The following FAM3B variants were observed in gnomAD, a reference collection of about 807,000 sequenced individuals.
FAM3B encodes FAM3 metabolism regulating signaling molecule B, also known as protein FAM3B.
In FAM3B, 29 loss-of-function variants were observed where a neutral mutation model predicts 28.4. The observed-to-expected ratio is 1.02, with a 90% CI of 0.76 to 1.39. FAM3B has a LOEUF of 1.39. Ranked by LOEUF, FAM3B falls within the 40% of genes most tolerant of loss-of-function variation. The pLI, the probability that FAM3B is intolerant of heterozygous loss-of-function variation, is 0.00. For missense variants in FAM3B, 266 were observed against 293.9 expected (o/e 0.91, Z 0.69); for synonymous variants, 91 against 103.0 (o/e 0.88, Z 0.71).
At chr21:41,313,928 T>C (rs77852024), upstream of FAM3B, among the ~76,000 whole-genome samples, 270 of 152,362 alleles carry the variant, frequency 1.8e-3, 3 homozygotes, top group African/African-American at 6.1e-3. Flanking sequence ...ATGTGGATAC[T>C]GTGGACAGAG....
At chr21:41,327,764 A>G (rs547227289) in intron 2 of FAM3B, among the ~76,000 whole-genome samples, 1 of 152,274 alleles carries the variant, frequency 6.6e-6, no homozygotes, top group Admixed American at 6.5e-5. Context: ...TACCTTTTCT[A>G]TCTTCCCTTG....
At chr21:41,304,707 T>G (rs2088673236) in intron 1 of FAM3B, among the ~76,000 whole-genome samples, 2 of 152,144 alleles carry the variant, frequency 1.3e-5, no homozygotes, top group Non-Finnish European at 2.9e-5. Flanking sequence ...AGCAGAGGAT[T>G]CCAGAACCTA....
At chr21:41,327,711 G>T (rs1414413580) in intron 2 of FAM3B, among the ~76,000 whole-genome samples, 1 of 152,204 alleles carries the variant, frequency 6.6e-6, no homozygotes, top group African/African-American at 2.4e-5. Flanking sequence ...CAGACCATTT[G>T]CTCACTTGTA....
rs563087880 is a variant in FAM3B at position 41,347,472 on chromosome 21, G to C, written c.485+372G>C. 2.0e-5 allele frequency among the ~76,000 whole-genome samples: 3 copies of C among 152,234 alleles called. No homozygotes were observed. The South Asian group carries it at 6.2e-4, about 32-fold the overall frequency. On this transcript the variant is annotated intron_variant, in intron 6 of 7. Coordinates refer to ENST00000357985, the MANE Select transcript of FAM3B (RefSeq NM_058186.4). ...TAATTTCCCTATAGAAAGAGGAAAA[G>C]AGGCTGGGCGCAGTGGCTCACACCT...
chr21:41,328,246 C>A (rs2088871498), intron 2 of FAM3B, among the ~76,000 whole-genome samples: 1 of 152,124 alleles, frequency 6.6e-6, no homozygotes, highest in African/African-American at 2.4e-5. Context: ...AATTGAGTAC[C>A]CATACACAGG....
At chr21:41,349,358 G>A (rs1396424939) in intron 7 of FAM3B, among the ~76,000 whole-genome samples, 1 of 152,170 alleles carries the variant, frequency 6.6e-6, no homozygotes, top group Non-Finnish European at 1.5e-5. Flanking sequence ...ATTTCAGAGG[G>A]TTCTGCTCTC....
upstream of FAM3B, among the ~76,000 whole-genome samples, chr21:41,314,173 ACTT>A (rs558110348): frequency 3.2e-3 from 491 of 152,334 alleles, 5 homozygotes; most frequent in African/African-American, 0.011. Context: ...CAGAGCCCTC[ACTT>A]CTTCTCTCTG....
intron 6 of FAM3B, among the ~76,000 whole-genome samples, chr21:41,347,409 G>T (rs1447687939): frequency 6.6e-6 from 1 of 152,116 alleles, no homozygotes; most frequent in Admixed American, 6.6e-5. Flanking sequence ...AACCCAGGGT[G>T]GCATTAATAG....
intron 1 of FAM3B, among the ~76,000 whole-genome samples, chr21:41,308,490 A>G (rs1399565082): frequency 6.6e-6 from 1 of 151,106 alleles, no homozygotes; most frequent in African/African-American, 2.4e-5. Flanking sequence ...AAAGGCAACG[A>G]GTTTGGGTGC....
chr21:41,324,271 A>G (rs890363823), intron 2 of FAM3B, among the ~76,000 whole-genome samples: 1 of 152,224 alleles, frequency 6.6e-6, no homozygotes, highest in Non-Finnish European at 1.5e-5. Context: ...CAAAATCAAG[A>G]GATCTCCCAT....
chr21:41,352,653 G>T (rs909679329), intron 7 of FAM3B, among the ~76,000 whole-genome samples: 1 of 152,044 alleles, frequency 6.6e-6, no homozygotes, highest in Non-Finnish European at 1.5e-5. Context: ...AATTAGCCAG[G>T]CATGGTGGCG....
chr21:41,346,069 A>G (rs892108074), intron 5 of FAM3B: 18 of 231,796 alleles, frequency 7.8e-5, no homozygotes, highest in Admixed American at 6.3e-4. Context: ...TAAAGCCACC[A>G]GCATCCAGCC....
chr21:41,354,182 G>A lies in FAM3B; in HGVS notation c.619-2926G>A, dbSNP rs188890311. ...AGAGAAAAAGGAATGCTTTTACACT[G>A]CTGGTGGAAGTGTAAATTAGTTCAA... is the stretch of plus-strand genomic sequence containing the variant. On this transcript the variant is annotated intron_variant, in intron 7 of 7. Transcript: ENST00000357985. Among the ~76,000 whole-genome samples the A allele has an allele frequency of 5.0e-3, 759 of 152,208 alleles. 5 individuals carry two copies. The highest frequency in any genetic ancestry group is 0.016 in the African/African-American group (656 of 41,456).
intron 3 of FAM3B, among the ~76,000 whole-genome samples, chr21:41,338,828 G>A (rs2088979067): frequency 6.6e-6 from 1 of 152,214 alleles, no homozygotes; most frequent in Non-Finnish European, 1.5e-5. Flanking sequence ...TGGGATCTGA[G>A]TAGGGATCAG....
At chr21:41,305,442 A>G (rs2088678429) in intron 1 of FAM3B, among the ~76,000 whole-genome samples, 1 of 152,174 alleles carries the variant, frequency 6.6e-6, no homozygotes, top group African/African-American at 2.4e-5. Context: ...TCATATACAT[A>G]TACTGCTATG....
chr21:41,318,565 G>A (rs890226206), intron 1 of FAM3B, among the ~76,000 whole-genome samples: 1 of 152,246 alleles, frequency 6.6e-6, no homozygotes, highest in Non-Finnish European at 1.5e-5. Context: ...ACTGAGGCCA[G>A]CAGAGCCTGG....
At chr21:41,351,476 GT>G (rs1398690505) in intron 7 of FAM3B, among the ~76,000 whole-genome samples, 1 of 152,220 alleles carries the variant, frequency 6.6e-6, no homozygotes, top group African/African-American at 2.4e-5. Flanking sequence ...GCTAAAGGAT[GT>G]TTGCTCAAAT....
upstream of FAM3B, among the ~76,000 whole-genome samples, chr21:41,315,756 G>T (rs146859366): frequency 1.1e-4 from 17 of 152,258 alleles, no homozygotes; most frequent in African/African-American, 3.6e-4. Flanking sequence ...AAGCCACATT[G>T]TCCACAGGAC....
intron 7 of FAM3B, among the ~76,000 whole-genome samples, chr21:41,355,228 G>A (rs1235268111): frequency 6.6e-6 from 1 of 152,206 alleles, no homozygotes; most frequent in African/African-American, 2.4e-5. Context: ...TGGAGGAAAT[G>A]TAAAATGGTA....
Sources: gnomAD v4.1 joint callset for allele counts (sites outside exome capture counted in the v4.1 genomes callset) on GRCh38, gnomAD v4.1.1 for gene constraint, MANE v1.5 for transcripts, NCBI Gene and HGNC (gene_info 2026-07-23, HGNC 2026-07-21) for gene names.